The following PCNT variants were observed in gnomAD, a reference collection of about 807,000 sequenced individuals.
PCNT encodes pericentrin.
A neutral mutation model predicts 380.4 loss-of-function variants in PCNT; 319 were observed. That is an observed-to-expected ratio of 0.84 (90% CI 0.77 to 0.92). PCNT has a LOEUF of 0.92. Among genes scored for constraint, PCNT ranks in the 40% least tolerant of loss-of-function variants. The probability of loss-of-function intolerance (pLI) is 0.00; values close to 1 mark genes in which losing one functional copy is unlikely to be tolerated. For missense variants in PCNT, 4,400 were observed against 4,255.3 expected (o/e 1.03, Z -0.95); for synonymous variants, 1,845 against 1,735.2 (o/e 1.06, Z -1.57).
In PCNT at chr21:46,432,006, G is replaced by T; in HGVS notation, c.8542G>T (p.Glu2848Ter). The change falls in exon 38 of 47, where the codon GAA (glutamate) becomes TAA (stop). Residue 2848 changes from glutamate to a stop codon, truncating the protein, a stop_gained. Coordinates refer to ENST00000359568, the MANE Select transcript of PCNT (RefSeq NM_006031.6). LOFTEE classifies it high-confidence loss of function. The stretch of plus-strand genomic sequence containing the variant: ...AAGTGCCACACTGAAGTCGACGGTG[G>T]AAGCCCTGCACACCCAAAAACGAGA... ...EVSATLKSTV[E>*]ALHTQKRELR... The T allele has an allele frequency of 6.2e-7, 1 of 1,613,916 alleles. No individual in the cohort carries two copies. The highest frequency in any genetic ancestry group is 8.5e-7 in the Non-Finnish European group (1 of 1,180,044).
intron 43 of PCNT, among the ~76,000 whole-genome samples, 166 bp from the exon 44 acceptor site, chr21:46,442,331 C>T (rs1358766420): frequency 6.6e-6 from 1 of 152,040 alleles, no homozygotes; most frequent in Non-Finnish European, 1.5e-5. Context: ...GATGTGTGCA[C>T]CCGGCATGCC....
At position 46,388,822 on chromosome 21, in the gene PCNT, G is replaced by A. The variant is rs564819089; in HGVS notation, c.3545G>A (p.Arg1182Gln). The change falls in exon 18 of 47, where the codon CGG becomes CAG. Residue 1182 changes from arginine (R) to glutamine (Q), a missense_variant. Physicochemically the swap from Arg to Gln is conservative, Grantham distance 43. Transcript: ENST00000359568. This position sits in a 1 kb window ranked among gnomAD's most constrained non-coding sequence, Gnocchi z 4.2. Reference protein sequence around the residue: ...TLRAAVTLRSRIGERVGLCLD... With the variant: ...TLRAAVTLRSQIGERVGLCLD... ...AGGGCAGCCGTCACCCTGAGGAGCC[G>A]GATCGGGGAGCGCGTGGGGCTCTGC... 5.1e-5 allele frequency: 82 copies of A among 1,612,810 alleles called. No individual in the cohort carries two copies. Among genetic ancestry groups the A allele is most frequent in the Non-Finnish European group, 5.9e-5 (70 of 1,179,972 alleles).
rs119479064 is a variant in PCNT, at chr21:46,435,904, C to T, written c.8752C>T (p.Arg2918Ter). Residue 2918 changes from arginine (R) to a stop codon, truncating the protein, a stop_gained and splice_region_variant, in exon 39 of 47, where the codon CGA becomes TGA. Transcript: ENST00000359568. LOFTEE classifies it high-confidence loss of function. Reference sequence around the variant, plus strand: ...TCTGTCTTTTTTCTGTTAACAACAGCGAGAATTAGAACTGCAGCGTCAGCG... The same window carrying T: ...TCTGTCTTTTTTCTGTTAACAACAGTGAGAATTAGAACTGCAGCGTCAGCG... ...RKWQRDKEKL[R>*]ELELQRQRDL... 11 of 1,613,992 alleles carry T rather than the reference C, an allele frequency of 6.8e-6. No homozygotes were observed. The highest frequency in any genetic ancestry group is 9.3e-6 in the Non-Finnish European group (11 of 1,179,996).
Position 46,445,449 on chromosome 21 carries a change from C to T in PCNT, c.*122C>T, listed in dbSNP as rs944427050. The T allele has an allele frequency of 2.5e-6, 2 of 811,790 alleles. No homozygotes were observed. The highest frequency in any genetic ancestry group is 2.2e-6 in the Non-Finnish European group (1 of 452,194). 50.3% of individuals were successfully genotyped at this position (811,790 alleles called of 1,614,324 possible). Reference sequence around the variant, plus strand: ...ACTCTTCATGTGCGGTGACACCAGCCCCCAGATGCCTTGAATTAAGTGTCC... The same window carrying T: ...ACTCTTCATGTGCGGTGACACCAGCTCCCAGATGCCTTGAATTAAGTGTCC... On this transcript the variant is annotated 3_prime_UTR_variant, in exon 47 of 47. Coordinates refer to ENST00000359568, the MANE Select transcript of PCNT (RefSeq NM_006031.6).
At chr21:46,405,811 A>G (rs770643460) in intron 27 of PCNT, among the ~76,000 whole-genome samples, 2 of 152,248 alleles carry the variant, frequency 1.3e-5, no homozygotes, top group African/African-American at 2.4e-5. Flanking sequence ...TGAAAAATAT[A>G]TAAAAAATAG....
At chr21:46,344,379 T>C (rs868815899) in intron 3 of PCNT, among the ~76,000 whole-genome samples, 1 of 152,154 alleles carries the variant, frequency 6.6e-6, no homozygotes, top group Non-Finnish European at 1.5e-5. Flanking sequence ...CGGCCCGAGC[T>C]CCTGACATTG....
Position 46,430,651 on chromosome 21 carries a change from C to T in PCNT, c.8058C>T (p.Ala2686=). 7 of 1,569,830 alleles carry T rather than the reference C, an allele frequency of 4.5e-6. No individual in the cohort carries two copies. The highest frequency in any genetic ancestry group is 6.0e-6 in the Non-Finnish European group (7 of 1,158,180). Residue 2686 remains alanine (A), a synonymous_variant, in exon 37 of 47, where the codon GCC becomes GCT. Transcript: ENST00000359568. ...AGAGGGAGAGCCAGAGTGCCAAGGCCCTGGAGGTAACAGGGTGTCAGGGCA... is the reference window on the plus strand; with the variant it reads ...AGAGGGAGAGCCAGAGTGCCAAGGCTCTGGAGGTAACAGGGTGTCAGGGCA... ...HLQRESQSAK[A]LEELRASLET...
chr21:46,398,323 C>G lies in PCNT; in HGVS notation c.4584+68C>G, dbSNP rs1047015968. The G allele has an allele frequency of 2.4e-5, 35 of 1,464,194 alleles. No individual in the cohort carries two copies. The East Asian group carries it at 4.8e-4, about 20-fold the overall frequency. 90.7% of individuals were successfully genotyped at this position (1,464,194 alleles called of 1,614,324 possible). A position where few individuals can be genotyped will look rare whatever the true frequency, so the allele number is the denominator to read the frequency against. On this transcript the variant is annotated intron_variant, in intron 24 of 46. Coordinates refer to ENST00000359568, the MANE Select transcript of PCNT (RefSeq NM_006031.6). ...CCAGGCTCCCCTGCGCTCGCTGGGACTGTCCTGCCACCCACTCGCTTTTCT... is the reference window on the plus strand; with the variant it reads ...CCAGGCTCCCCTGCGCTCGCTGGGAGTGTCCTGCCACCCACTCGCTTTTCT...
At chr21:46,409,436 C>T (rs1202775693) in intron 27 of PCNT, among the ~76,000 whole-genome samples, 1 of 152,134 alleles carries the variant, frequency 6.6e-6, no homozygotes, top group East Asian at 1.9e-4. Flanking sequence ...GATCCGCCTG[C>T]CTTGGCCTCC....
At chr21:46,370,947 G>A (rs1177346671) in intron 15 of PCNT, among the ~76,000 whole-genome samples, 14 of 152,306 alleles carry the variant, frequency 9.2e-5, no homozygotes, top group African/African-American at 2.4e-5. Flanking sequence ...AAGCAGGAGA[G>A]TGGTGTGAAC....
rs74963556 is a variant in PCNT, at chr21:46,393,634, G to C, written c.4216+2258G>C. On this transcript the variant is annotated intron_variant, in intron 21 of 46. Coordinates refer to ENST00000359568, the MANE Select transcript of PCNT (RefSeq NM_006031.6). ...GTCAGGCCTCCGGGCAGATAAAGGG[G>C]TGTGTGGCCTGCATTCTGTTGAACG... 7.8e-4 allele frequency among the ~76,000 whole-genome samples: 119 copies of C among 152,316 alleles called. No individual in the cohort carries two copies. The East Asian group carries it at 0.022, about 29-fold the overall frequency.
chr21:46,398,420 T>A (rs999195794), intron 24 of PCNT, among the ~76,000 whole-genome samples, 165 bp downstream of exon 24: 7 of 152,264 alleles, frequency 4.6e-5, no homozygotes, highest in African/African-American at 9.6e-5. Context: ...TTTATTTTTT[T>A]AAAAAATTAA....
At chr21:46,429,867 G>A (rs2147960615) in intron 35 of PCNT, 143 bp from the exon 36 acceptor site, 1 of 676,570 alleles carries the variant, frequency 1.5e-6, no homozygotes, top group African/African-American at 1.8e-5. Flanking sequence ...TCCACCCGCA[G>A]TGAAAGCTTC....
chr21:46,363,646 T>C lies in PCNT; in HGVS notation c.2321T>C (p.Leu774Pro). Reference protein sequence around the residue: ...EEKLTLMLLELREKAESEKQT... With the variant: ...EEKLTLMLLEPREKAESEKQT... ...AAGTTAACATTGATGCTACTTGAAC[T>C]GAGAGAAAAGGCTGAATCCGAGAAA... The change falls in exon 14 of 47, where the codon CTG becomes CCG. Residue 774 changes from leucine to proline, a missense_variant. Coordinates refer to ENST00000359568, the MANE Select transcript of PCNT (RefSeq NM_006031.6). The C allele has an allele frequency of 6.2e-7, 1 of 1,614,168 alleles. No homozygotes were observed. Among genetic ancestry groups the C allele is most frequent in the South Asian group, 1.1e-5 (1 of 91,084 alleles).
Position 46,425,878 on chromosome 21 carries a change from G to A in PCNT, c.7227G>A (p.Leu2409=), listed in dbSNP as rs1194519723. 1.9e-6 allele frequency: 3 copies of A among 1,613,848 alleles called. No individual in the cohort carries two copies. The East Asian group carries it at 6.7e-5, about 36-fold the overall frequency. The change falls in exon 33 of 47, where the codon CTG becomes CTA. Residue 2409 remains leucine, a synonymous_variant. Transcript: ENST00000359568. The surrounding 1 kb of genome is among the most constrained non-coding windows in gnomAD (Gnocchi z 4.2). ...VRDESHQILA[L]SEGLAPPSGE... ...ACGAGAGCCACCAGATCCTGGCGCT[G>A]TCAGAAGGCCTTGCACCCCCAAGCG...
chr21:46,429,003 C>T (rs750048701), intron 35 of PCNT, among the ~76,000 whole-genome samples: 4 of 152,208 alleles, frequency 2.6e-5, no homozygotes, highest in East Asian at 1.9e-4. Context: ...CGTGCTGTGC[C>T]GTCAGCTGTG....
At position 46,411,183 on chromosome 21, in the gene PCNT, C is replaced by T. The variant is rs757143205; in HGVS notation, c.5116-6C>T. ...AATTTGCCTCTGAAATGTCCTCTCT[C>T]TTCAGGTCATATATACCAGAAGTTC... On this transcript the variant is annotated splice_polypyrimidine_tract_variant and splice_region_variant and intron_variant, in intron 27 of 46. Coordinates refer to ENST00000359568, the MANE Select transcript of PCNT (RefSeq NM_006031.6). 4 of 1,613,660 alleles carry T rather than the reference C, an allele frequency of 2.5e-6. No individual in the cohort carries two copies. The highest frequency in any genetic ancestry group is 4.5e-5 in the East Asian group (2 of 44,890).
intron 41 of PCNT, 91 bp from the exon 42 acceptor site, chr21:46,439,992 G>C: frequency 6.5e-7 from 1 of 1,529,290 alleles, no homozygotes. Flanking sequence ...CCCGCACATG[G>C]CCTTCTCCCT....
chr21:46,435,556 T>G (rs920626698), intron 38 of PCNT, among the ~76,000 whole-genome samples: 2 of 151,594 alleles, frequency 1.3e-5, no homozygotes, highest in African/African-American at 4.9e-5. Context: ...TGTTTTGTTT[T>G]GTTTGAGATG....
Sources: allele counts gnomAD v4.1 joint callset (sites outside exome capture counted in the v4.1 genomes callset), GRCh38; gene constraint gnomAD v4.1.1; non-coding constraint Gnocchi (gnomAD v3.1); transcripts MANE v1.5; gene names NCBI Gene and HGNC (gene_info 2026-07-23, HGNC 2026-07-21).